Variants in NARS2 observed in about 807,000 individuals in gnomAD.
NARS2 encodes the protein asparaginyl-tRNA synthetase 2, mitochondrial.
Under a neutral mutation model 62.9 loss-of-function variants are expected in NARS2, and 60 were observed. That is an observed-to-expected ratio of 0.95 (90% confidence interval 0.77 to 1.18). The LOEUF is 1.18. Among genes scored for constraint, NARS2 ranks in the 50% most tolerant of loss-of-function variants. The probability of loss-of-function intolerance (pLI) is 0.00; values close to 1 mark genes in which losing one functional copy is unlikely to be tolerated. For synonymous variants in NARS2, 196 were observed against 200.0 expected, an observed-to-expected ratio of 0.98 and a Z score of 0.17; for missense variants, 619 against 576.4, an observed-to-expected ratio of 1.07 and a Z score of -0.76.
chr11:78,561,095 AT>A (rs201222875), intron 4 of NARS2, among the ~76,000 whole-genome samples: 2 of 151,412 alleles, frequency 1.3e-5, no homozygotes, highest in East Asian at 1.9e-4. Flanking sequence ...AATAACTGAG[AT>A]TTTTTTTTAA....
At position 78,436,638 on chromosome 11, in the gene NARS2, TG is replaced by T; in HGVS notation, c.*31del. 1.2e-6 allele frequency: 2 copies of T among 1,612,606 alleles called. No homozygotes were observed. Among genetic ancestry groups the T allele is most frequent in the Non-Finnish European group, 1.7e-6 (2 of 1,178,870 alleles). ...ACAATCATGTGCAGTGTCTCTGCCA[TG>T]GGGGGTGCTTTTCCTTAACCAATCT... On this transcript the variant is annotated 3_prime_UTR_variant, in exon 14 of 14. Coordinates refer to ENST00000281038, the MANE Select transcript of NARS2 (RefSeq NM_024678.6).
At chr11:78,554,327 T>C (rs114096291) in intron 5 of NARS2, among the ~76,000 whole-genome samples, 1,667 of 152,338 alleles carry the variant, frequency 0.011, 26 homozygotes, top group African/African-American at 0.038. Flanking sequence ...ATGAACAACA[T>C]TGAATCTGTA....
At chr11:78,465,755 G>T in intron 11 of NARS2, 121 bp downstream of exon 11, 1 of 1,164,190 alleles carries the variant, frequency 8.6e-7, no homozygotes, top group Non-Finnish European at 1.2e-6. Flanking sequence ...AGATGTCTTT[G>T]AAAAACATTA....
chr11:78,442,799 T>G (rs1857616052), intron 12 of NARS2, among the ~76,000 whole-genome samples: 1 of 152,192 alleles, frequency 6.6e-6, no homozygotes, highest in African/African-American at 2.4e-5. Flanking sequence ...TTTACAGATT[T>G]GTTTCCCAGT....
At chr11:78,440,651 G>A (rs1857548217) in intron 13 of NARS2, among the ~76,000 whole-genome samples, 1 of 151,806 alleles carries the variant, frequency 6.6e-6, no homozygotes. Context: ...TCCTGCCTCA[G>A]CCTCCCAAGT....
chr11:78,572,052 C>T (rs1856946148), intron 1 of NARS2, among the ~76,000 whole-genome samples: 1 of 152,026 alleles, frequency 6.6e-6, no homozygotes, highest in Non-Finnish European at 1.5e-5. Context: ...AGTGTTGGCG[C>T]TCGTTTGTAG....
chr11:78,443,763 G>GA lies in NARS2; in HGVS notation c.1165-6_1165-5insT. On this transcript the variant is annotated splice_region_variant and splice_polypyrimidine_tract_variant and intron_variant, in intron 11 of 13. Coordinates refer to ENST00000281038, the MANE Select transcript of NARS2 (RefSeq NM_024678.6). ...CAGAAGATCAACAGCAGCAACCTAA[G>GA]GAAAAAAAAAAAATTATTAGCATTA... The GA allele has an allele frequency of 1.3e-6, 2 of 1,583,588 alleles. No homozygotes were observed. Among genetic ancestry groups the GA allele is most frequent in the Admixed American group, 1.8e-5 (1 of 56,312 alleles).
intron 5 of NARS2, among the ~76,000 whole-genome samples, chr11:78,531,996 T>G (rs1861497949): frequency 6.6e-6 from 1 of 152,208 alleles, no homozygotes; most frequent in Non-Finnish European, 1.5e-5. Context: ...GCCACTGAAA[T>G]GTACCTTTTA....
chr11:78,524,964 C>T (rs535518937), intron 6 of NARS2, among the ~76,000 whole-genome samples: 2 of 152,150 alleles, frequency 1.3e-5, no homozygotes, highest in Non-Finnish European at 2.9e-5. Flanking sequence ...TTTAGCACTA[C>T]AACAAATGAG....
chr11:78,475,514 T>C (rs1281242796), intron 9 of NARS2, among the ~76,000 whole-genome samples: 2 of 151,860 alleles, frequency 1.3e-5, no homozygotes, highest in African/African-American at 2.4e-5. Flanking sequence ...CTAATTTACA[T>C]TGCCACTAAC....
chr11:78,562,047 A>G (rs1296411316), intron 4 of NARS2, among the ~76,000 whole-genome samples: 1 of 152,122 alleles, frequency 6.6e-6, no homozygotes, highest in South Asian at 2.1e-4. Context: ...AACAAAAAAC[A>G]AAAAACAAAA....
chr11:78,442,066 T>C (rs894145417), intron 12 of NARS2, among the ~76,000 whole-genome samples: 17 of 152,206 alleles, frequency 1.1e-4, no homozygotes, highest in African/African-American at 3.9e-4. Flanking sequence ...ATATATCCAC[T>C]TCATTACGAA....
intron 6 of NARS2, among the ~76,000 whole-genome samples, chr11:78,505,577 G>A (rs1389657322): frequency 1.3e-5 from 2 of 152,058 alleles, no homozygotes; most frequent in Non-Finnish European, 1.5e-5. Flanking sequence ...CAGAAGCTTA[G>A]GGCCTAGCTA....
intron 6 of NARS2, among the ~76,000 whole-genome samples, chr11:78,509,129 AG>A (rs999739751): frequency 2.6e-5 from 4 of 151,786 alleles, no homozygotes; most frequent in Non-Finnish European, 4.4e-5. Flanking sequence ...AAAAAAAAAA[AG>A]ATTATCAACA....
chr11:78,524,000 T>C (rs1861216093), intron 6 of NARS2, among the ~76,000 whole-genome samples: 1 of 152,148 alleles, frequency 6.6e-6, no homozygotes. Flanking sequence ...ATATACGTTC[T>C]CTCTCAATAT....
At chr11:78,505,735 G>A (rs1277076391) in intron 6 of NARS2, among the ~76,000 whole-genome samples, 1 of 152,086 alleles carries the variant, frequency 6.6e-6, no homozygotes, top group Non-Finnish European at 1.5e-5. Flanking sequence ...GACTAGCAGG[G>A]TCTTCCCTGA....
chr11:78,449,133 GTTTT>G (rs201937471), intron 11 of NARS2, among the ~76,000 whole-genome samples: 2 of 100,038 alleles, frequency 2.0e-5, no homozygotes, highest in Non-Finnish European at 3.8e-5. Context: ...CCTAAAAAAT[GTTTT>G]TTTTTTTTTT....
intron 11 of NARS2, among the ~76,000 whole-genome samples, chr11:78,451,916 C>T (rs907386972): frequency 1.3e-5 from 2 of 151,938 alleles, no homozygotes; most frequent in South Asian, 2.1e-4. Flanking sequence ...TTGGCTGTTG[C>T]ATGCCAGGCT....
Position 78,570,993 on chromosome 11 carries a change from A to C in NARS2, c.251+342T>G, listed in dbSNP as rs114864852. Among the ~76,000 whole-genome samples the C allele has an allele frequency of 8.4e-3, 1,275 of 152,334 alleles. 16 individuals carry two copies. Among genetic ancestry groups the C allele is most frequent in the African/African-American group, 0.029 (1,196 of 41,568 alleles). On this transcript the variant is annotated intron_variant, in intron 2 of 13. Coordinates refer to ENST00000281038, the MANE Select transcript of NARS2 (RefSeq NM_024678.6). ...GATGCCTAACTAAGCAGGAACTATG[A>C]AAGACAAGAGGAGAAGAGGCTGTAT...
Sources: allele counts gnomAD v4.1 joint callset (sites outside exome capture counted in the v4.1 genomes callset), GRCh38; gene constraint gnomAD v4.1.1; transcripts MANE v1.5; gene names NCBI Gene and HGNC (gene_info 2026-07-23, HGNC 2026-07-21).